RNF185: variants seen among roughly 807,000 people sequenced by gnomAD.
RNF185 encodes ring finger protein 185, also known as E3 ubiquitin-protein ligase RNF185.
RNF185 carries 13 observed loss-of-function variants against 24.9 expected under a neutral mutation model. That is an observed-to-expected ratio of 0.52 (90% confidence interval 0.34 to 0.83). RNF185 has a LOEUF of 0.83. Ranked by LOEUF, RNF185 falls within the 40% of genes least tolerant of loss-of-function variation. The pLI is 0.01. For synonymous variants in RNF185, 79 were observed against 90.3 expected, an observed-to-expected ratio of 0.88 and a Z score of 0.71; for missense variants, 184 against 244.7, an observed-to-expected ratio of 0.75 and a Z score of 1.65.
chr22:31,183,476 C>T (rs2048059891), intron 1 of RNF185, among the ~76,000 whole-genome samples: 1 of 151,590 alleles, frequency 6.6e-6, no homozygotes, highest in African/African-American at 2.4e-5. Context: ...GAGGGAAGGT[C>T]AGCAGATAAA....
chr22:31,184,760 T>C (rs1034415991), intron 1 of RNF185, among the ~76,000 whole-genome samples: 2 of 151,824 alleles, frequency 1.3e-5, no homozygotes, highest in Middle Eastern at 3.2e-3. Flanking sequence ...CCAAAAAATA[T>C]GAAAACCAGT....
At chr22:31,199,310 G>C (rs1318019896) in intron 5 of RNF185, among the ~76,000 whole-genome samples, 1 of 152,118 alleles carries the variant, frequency 6.6e-6, no homozygotes, top group Non-Finnish European at 1.5e-5. Context: ...GATCTGTCCA[G>C]GGCCACACGT....
intron 1 of RNF185, among the ~76,000 whole-genome samples, chr22:31,168,109 G>A (rs1471204604): frequency 6.6e-6 from 1 of 152,054 alleles, no homozygotes; most frequent in African/African-American, 2.4e-5. Context: ...CTTCCCCCTA[G>A]CCACTGCCAA....
At chr22:31,187,023 A>G in intron 1 of RNF185, 24 bp from the exon 2 acceptor site, 1 of 1,481,096 alleles carries the variant, frequency 6.8e-7, no homozygotes, top group Non-Finnish European at 9.1e-7. Context: ...AGAAATGGAC[A>G]GTCAAGAGTT....
At chr22:31,172,280 G>A (rs532336544) in intron 1 of RNF185, among the ~76,000 whole-genome samples, 1 of 152,178 alleles carries the variant, frequency 6.6e-6, no homozygotes, top group South Asian at 2.1e-4. Context: ...TTGAGGTCAG[G>A]AGTTCGAGAC....
At chr22:31,166,210 C>T (rs1172437939) in intron 1 of RNF185, among the ~76,000 whole-genome samples, 2 of 151,886 alleles carry the variant, frequency 1.3e-5, no homozygotes, top group Non-Finnish European at 2.9e-5. Flanking sequence ...AGGCTGGTCT[C>T]GAACTCCTGA....
intron 1 of RNF185, among the ~76,000 whole-genome samples, chr22:31,185,386 C>T (rs766811675): frequency 3.9e-5 from 6 of 152,146 alleles, no homozygotes; most frequent in Non-Finnish European, 7.3e-5. Context: ...TCCTTGTCTT[C>T]TCATACTCTG....
chr22:31,171,448 TG>T (rs908922982), intron 1 of RNF185, among the ~76,000 whole-genome samples: 7 of 151,882 alleles, frequency 4.6e-5, no homozygotes, highest in African/African-American at 1.4e-4. Flanking sequence ...CCCAAAGTGC[TG>T]GGATTACAGG....
At chr22:31,199,822 T>C (rs932838546) in intron 5 of RNF185, among the ~76,000 whole-genome samples, 7 of 152,216 alleles carry the variant, frequency 4.6e-5, no homozygotes, top group African/African-American at 1.4e-4. Flanking sequence ...TTAGGCTTTA[T>C]AGGTGATGCC....
At chr22:31,183,745 C>G (rs372440712) in intron 1 of RNF185, among the ~76,000 whole-genome samples, 16 of 152,226 alleles carry the variant, frequency 1.1e-4, no homozygotes, top group African/African-American at 3.9e-4. Context: ...AGAATTTTTC[C>G]TAGTACAGAA....
intron 1 of RNF185, among the ~76,000 whole-genome samples, chr22:31,166,549 C>A (rs1386738140): frequency 7.4e-6 from 1 of 134,294 alleles, no homozygotes; most frequent in Non-Finnish European, 1.6e-5. Flanking sequence ...CCAGCCTCTT[C>A]TATAAGCATT....
At chr22:31,196,842 G>A in intron 4 of RNF185, 94 bp from the exon 5 acceptor site, 3 of 1,530,028 alleles carry the variant, frequency 2.0e-6, no homozygotes, top group Non-Finnish European at 2.6e-6. Flanking sequence ...AAGAGGCTAT[G>A]GCCCTGACCC....
intron 1 of RNF185, among the ~76,000 whole-genome samples, chr22:31,180,127 G>A (rs916682710): frequency 6.6e-6 from 1 of 151,888 alleles, no homozygotes; most frequent in African/African-American, 2.4e-5. Flanking sequence ...TGGGGGGTAG[G>A]AAATTTTATG....
chr22:31,183,767 C>T (rs2048063750), intron 1 of RNF185, among the ~76,000 whole-genome samples: 1 of 152,234 alleles, frequency 6.6e-6, no homozygotes, highest in South Asian at 2.1e-4. Context: ...AAAATGGAGT[C>T]TGCTATGTCT....
At chr22:31,178,947 G>A (rs1482119020) in intron 1 of RNF185, among the ~76,000 whole-genome samples, 1 of 152,208 alleles carries the variant, frequency 6.6e-6, no homozygotes, top group African/African-American at 2.4e-5. Flanking sequence ...TAGGAAGTCT[G>A]AATTTGGCAT....
chr22:31,175,111 GA>G (rs2047969327), intron 1 of RNF185, among the ~76,000 whole-genome samples: 1 of 149,258 alleles, frequency 6.7e-6, no homozygotes, highest in African/African-American at 2.5e-5. Flanking sequence ...ACGAAAATGT[GA>G]AAAAGTAGGA....
In RNF185 at chr22:31,190,130, C is replaced by A. The variant is rs533896191; in HGVS notation, c.177-2554C>A. Among the ~76,000 whole-genome samples, 6 of 152,322 alleles carry A rather than the reference C, an allele frequency of 3.9e-5. No homozygotes were observed. The East Asian group carries it at 9.6e-4, about 24-fold the overall frequency. On this transcript the variant is annotated intron_variant, in intron 2 of 6. Coordinates refer to ENST00000326132, the MANE Select transcript of RNF185 (RefSeq NM_152267.4). ...CAGCGTGGCACACAGTACAGTCATG[C>A]AGTACATAATGACATTTTGGTCAAC...
intron 1 of RNF185, among the ~76,000 whole-genome samples, chr22:31,165,279 A>G (rs2147917772): frequency 6.6e-6 from 1 of 152,250 alleles, no homozygotes. Flanking sequence ...GTTATTGCCC[A>G]CTAAAAAAAT....
chr22:31,178,389 G>T (rs2048003202), intron 1 of RNF185, among the ~76,000 whole-genome samples: 1 of 152,116 alleles, frequency 6.6e-6, no homozygotes, highest in Admixed American at 6.6e-5. Context: ...CCCTCTTCTA[G>T]AGCTGGGTTT....
Sources: allele counts gnomAD v4.1 joint callset (sites outside exome capture counted in the v4.1 genomes callset), GRCh38; gene constraint gnomAD v4.1.1; transcripts MANE v1.5; gene names NCBI Gene and HGNC (gene_info 2026-07-23, HGNC 2026-07-21).